The following HNRNPLL variants were observed in gnomAD, a reference collection of about 807,000 sequenced individuals.
HNRNPLL encodes the protein heterogeneous nuclear ribonucleoprotein L-like.
In HNRNPLL, 25 loss-of-function variants were observed where a neutral mutation model predicts 67.1. The observed-to-expected ratio is 0.37, with a 90% CI of 0.27 to 0.52. HNRNPLL has a LOEUF of 0.52. Ranked by LOEUF, HNRNPLL falls within the 20% of genes least tolerant of loss-of-function variation. The probability of loss-of-function intolerance (pLI) is 0.90; values close to 1 mark genes in which losing one functional copy is unlikely to be tolerated. For synonymous variants in HNRNPLL, 267 were observed against 241.7 expected, an observed-to-expected ratio of 1.10 and a Z score of -0.97; for missense variants, 542 against 673.9, an observed-to-expected ratio of 0.80 and a Z score of 2.17.
intron 6 of HNRNPLL, among the ~76,000 whole-genome samples, chr2:38,578,451 T>C (rs1021224612): frequency 3.9e-5 from 6 of 152,076 alleles, no homozygotes; most frequent in Non-Finnish European, 8.8e-5. Flanking sequence ...AAAATATGTA[T>C]CTCAAGACTC....
chr2:38,595,552 T>G (rs953323405), intron 1 of HNRNPLL, among the ~76,000 whole-genome samples: 6 of 152,130 alleles, frequency 3.9e-5, no homozygotes, highest in Admixed American at 3.9e-4. Flanking sequence ...ACTTAAAAGC[T>G]GGACAATGTG....
intron 8 of HNRNPLL, among the ~76,000 whole-genome samples, chr2:38,570,561 G>C (rs548501716): frequency 1.3e-5 from 2 of 152,300 alleles, no homozygotes; most frequent in African/African-American, 4.8e-5. Flanking sequence ...TTTGGGCAGA[G>C]GCCATACTTA....
At chr2:38,565,727 C>CAAAAAAA in intron 12 of HNRNPLL, among the ~76,000 whole-genome samples, 1 of 73,302 alleles carries the variant, frequency 1.4e-5, no homozygotes, top group Non-Finnish European at 2.7e-5. Flanking sequence ...GACCCTGTCT[C>CAAAAAAA]AAAAAAAAAA....
chr2:38,574,816 G>A (rs892992804), intron 7 of HNRNPLL, among the ~76,000 whole-genome samples: 3 of 151,794 alleles, frequency 2.0e-5, no homozygotes, highest in Non-Finnish European at 4.4e-5. Context: ...CAATCCATAT[G>A]AGCGACTGTT....
intron 3 of HNRNPLL, among the ~76,000 whole-genome samples, 178 bp from the exon 4 acceptor site, chr2:38,584,104 T>G (rs1666636687): frequency 6.6e-6 from 1 of 152,194 alleles, no homozygotes; most frequent in Admixed American, 6.6e-5. Flanking sequence ...CACTGTTGCC[T>G]AGGCTAGAGT....
At chr2:38,572,927 T>C (rs955561525) in intron 8 of HNRNPLL, among the ~76,000 whole-genome samples, 7 of 152,074 alleles carry the variant, frequency 4.6e-5, no homozygotes, top group African/African-American at 1.4e-4. Flanking sequence ...CACCAAAATA[T>C]AGACTTCAGG....
At position 38,602,864 on chromosome 2, in the gene HNRNPLL, A is replaced by G. The variant is rs1182167884; in HGVS notation, c.-238T>C. 4 of 1,549,400 alleles carry G rather than the reference A, an allele frequency of 2.6e-6. No individual in the cohort carries two copies. Among genetic ancestry groups the G allele is most frequent in the Non-Finnish European group, 3.5e-6 (4 of 1,146,316 alleles). ...GCCGCTCCTCTCAATTACCGAGCCA[A>G]CATTCAGCCTCTCCCTCCTCCTCCT... is the stretch of plus-strand genomic sequence containing the variant. On this transcript the variant is annotated 5_prime_UTR_variant, in exon 1 of 13. Transcript: ENST00000449105.
At chr2:38,591,950 T>C (rs1246157451) in intron 1 of HNRNPLL, among the ~76,000 whole-genome samples, 2 of 152,128 alleles carry the variant, frequency 1.3e-5, no homozygotes, top group African/African-American at 2.4e-5. Flanking sequence ...CACTCCAGCC[T>C]GGGCGACAGA....
intron 10 of HNRNPLL, 69 bp downstream of exon 10, chr2:38,569,064 A>T (rs1257393385): frequency 8.9e-7 from 1 of 1,120,652 alleles, no homozygotes; most frequent in African/African-American, 1.6e-5. Flanking sequence ...CGACTTCAAA[A>T]TGAAGCTAAA....
chr2:38,581,198 C>T (rs982175050), intron 6 of HNRNPLL: 1 of 152,210 alleles, frequency 6.6e-6, no homozygotes, highest in Non-Finnish European at 1.5e-5. Flanking sequence ...AAGCTGCACA[C>T]AGTCACAGTA....
chr2:38,602,397 A>G, intron 1 of HNRNPLL, 41 bp downstream of exon 1: 1 of 1,537,914 alleles, frequency 6.5e-7, no homozygotes, highest in Non-Finnish European at 8.7e-7. Flanking sequence ...CTTCCCGGGG[A>G]GCAGCCAGGC....
At chr2:38,566,098 T>C in intron 12 of HNRNPLL, 1 of 987,586 alleles carries the variant, frequency 1.0e-6, no homozygotes, top group Non-Finnish European at 1.2e-6. Context: ...TAAACTTGAG[T>C]TTTCTCACGC....
chr2:38,584,396 C>A (rs190269701), intron 3 of HNRNPLL, among the ~76,000 whole-genome samples: 3 of 152,284 alleles, frequency 2.0e-5, no homozygotes, highest in Admixed American at 6.5e-5. Flanking sequence ...TAAGGTATTT[C>A]TTCACCTACA....
chr2:38,573,470 CAT>C (rs1666175816), intron 7 of HNRNPLL, 43 bp from the exon 8 acceptor site: 2 of 1,288,220 alleles, frequency 1.6e-6, no homozygotes, highest in African/African-American at 1.5e-5. Context: ...AACATATACA[CAT>C]AGTTGTTTGT....
In HNRNPLL at chr2:38,602,730, C is replaced by G. The variant is rs544402638; in HGVS notation, c.-104G>C. 3.5e-5 allele frequency: 52 copies of G among 1,484,180 alleles called. 1 individual carries two copies. The African/African-American group carries it at 6.5e-4, about 18-fold the overall frequency. 91.9% of individuals were successfully genotyped at this position (1,484,180 alleles called of 1,614,324 possible). ...CTCGCCGCCGGCAGCGCCTCTTCTG[C>G]GAGGGTCTCCGCGGCCCGGCCGTCC... On this transcript the variant is annotated 5_prime_UTR_variant, in exon 1 of 13. Transcript: ENST00000449105.
At chr2:38,586,546 C>T (rs1217573240) in intron 2 of HNRNPLL, among the ~76,000 whole-genome samples, 1 of 152,192 alleles carries the variant, frequency 6.6e-6, no homozygotes, top group Non-Finnish European at 1.5e-5. Flanking sequence ...GGTTGGCAGA[C>T]AGAATCCCTA....
chr2:38,593,971 G>C (rs907232047), intron 1 of HNRNPLL, among the ~76,000 whole-genome samples: 1 of 151,960 alleles, frequency 6.6e-6, no homozygotes, highest in African/African-American at 2.4e-5. Context: ...TCAGGAGTTC[G>C]AGACCACCCT....
intron 12 of HNRNPLL, among the ~76,000 whole-genome samples, chr2:38,566,951 A>T (rs1665886602): frequency 6.6e-6 from 1 of 152,210 alleles, no homozygotes; most frequent in African/African-American, 2.4e-5. Context: ...GGGACGGGTA[A>T]ATAAGACAAA....
At chr2:38,573,074 A>T in intron 8 of HNRNPLL, 136 bp downstream of exon 8, 1 of 639,890 alleles carries the variant, frequency 1.6e-6, no homozygotes, top group South Asian at 1.9e-5. Flanking sequence ...CCTATATAAT[A>T]GATTTTTAGC....
Sources: allele counts gnomAD v4.1 joint callset (sites outside exome capture counted in the v4.1 genomes callset), GRCh38; gene constraint gnomAD v4.1.1; transcripts MANE v1.5; gene names NCBI Gene and HGNC (gene_info 2026-07-23, HGNC 2026-07-21).